KCNN3: variants seen among roughly 807,000 people sequenced by gnomAD.
KCNN3 encodes small conductance calcium-activated potassium channel protein 3.
Under a neutral mutation model 62.9 loss-of-function variants are expected in KCNN3, and 16 were observed. The observed-to-expected ratio is 0.25, with a 90% CI of 0.17 to 0.39. The LOEUF (loss-of-function observed/expected upper bound fraction) is 0.39, where lower values mean the gene tolerates loss of function less well. KCNN3 is among the 10% of genes least tolerant of loss of function. The pLI is 1.00. For missense variants in KCNN3, 599 were observed against 949.4 expected (o/e 0.63, Z 4.85); for synonymous variants, 370 against 389.2 (o/e 0.95, Z 0.58).
In KCNN3 at chr1:154,809,420, AAAACTAC is replaced by A. The variant is rs796183810; in HGVS notation, c.1029+12662_1029+12668del. ...TGGGGGCTGGGGTGGGAGGGCACATAAAACTACAACCTCACAGGAGGCCACAAAACTT... is the reference window on the plus strand; with the variant it reads ...TGGGGGCTGGGGTGGGAGGGCACATAAACCTCACAGGAGGCCACAAAACTT... On this transcript the variant is annotated intron_variant, in intron 2 of 7. Transcript: ENST00000271915. This position sits in a 1 kb window ranked among gnomAD's most constrained non-coding sequence, Gnocchi z 4.3. Among the ~76,000 whole-genome samples the A allele has an allele frequency of 1.3e-5, 2 of 152,234 alleles. No homozygotes were observed. Among genetic ancestry groups the A allele is most frequent in the South Asian group, 4.1e-4 (2 of 4,836 alleles).
At chr1:154,787,187 C>G (rs1305592249) in intron 2 of KCNN3, among the ~76,000 whole-genome samples, 3 of 152,268 alleles carry the variant, frequency 2.0e-5, no homozygotes, top group Non-Finnish European at 4.4e-5. Flanking sequence ...CTATCGTAGG[C>G]ACTGAAAGCC....
chr1:154,713,166 T>C (rs79489725), intron 7 of KCNN3, among the ~76,000 whole-genome samples: 314 of 152,252 alleles, frequency 2.1e-3, no homozygotes, highest in Admixed American at 3.7e-3. Flanking sequence ...AGTCCCTCAA[T>C]GTGCAGCTCA....
At chr1:154,784,697 C>T (rs536844227) in intron 2 of KCNN3, among the ~76,000 whole-genome samples, 17 of 152,340 alleles carry the variant, frequency 1.1e-4, no homozygotes, top group African/African-American at 3.6e-4. Flanking sequence ...AGCAGGGCGG[C>T]GGTCTCCATT....
At chr1:154,866,901 C>T (rs1453809114) in intron 1 of KCNN3, among the ~76,000 whole-genome samples, 2 of 152,238 alleles carry the variant, frequency 1.3e-5, no homozygotes, top group Non-Finnish European at 2.9e-5. Context: ...GGGGTGGCAC[C>T]TGCCCCAGGC....
chr1:154,753,130 A>G (rs1207199468), intron 3 of KCNN3, among the ~76,000 whole-genome samples: 1 of 152,252 alleles, frequency 6.6e-6, no homozygotes, highest in African/African-American at 2.4e-5. Flanking sequence ...GTTAAACTTG[A>G]CAAAATAATT....
At chr1:154,733,645 T>C (rs755485741) in intron 3 of KCNN3, among the ~76,000 whole-genome samples, 1 of 152,130 alleles carries the variant, frequency 6.6e-6, no homozygotes, top group Non-Finnish European at 1.5e-5. Flanking sequence ...GGAGGGAAGC[T>C]GTGGTGGTTG....
intron 1 of KCNN3, among the ~76,000 whole-genome samples, chr1:154,854,394 A>G (rs1652432839): frequency 6.6e-6 from 1 of 152,168 alleles, no homozygotes; most frequent in South Asian, 2.1e-4. Flanking sequence ...TTTTCCTGTT[A>G]TCTAACTCTG....
intron 1 of KCNN3, among the ~76,000 whole-genome samples, chr1:154,868,632 C>T (rs914002964): frequency 6.6e-6 from 1 of 151,720 alleles, no homozygotes; most frequent in Non-Finnish European, 1.5e-5. Context: ...TTAATTGGTG[C>T]GTTAAGCTGC....
At position 154,793,509 on chromosome 1, in the gene KCNN3, C is replaced by G. The variant is rs568478214; in HGVS notation, c.1030-21116G>C. On this transcript the variant is annotated intron_variant, in intron 2 of 7. Coordinates refer to ENST00000271915, the MANE Select transcript of KCNN3 (RefSeq NM_002249.6). ...ACAGACTCCATTTAAAAGTTATAAA[C>G]CACCTAAAAGGATTACCATTAATGA... Among the ~76,000 whole-genome samples the G allele has an allele frequency of 5.9e-5, 9 of 152,306 alleles. No homozygotes were observed. The South Asian group carries it at 1.9e-3, about 32-fold the overall frequency.
intron 2 of KCNN3, among the ~76,000 whole-genome samples, chr1:154,782,946 C>T (rs1213654545): frequency 6.6e-6 from 1 of 152,218 alleles, no homozygotes; most frequent in African/African-American, 2.4e-5. Context: ...GGCGCGGAGG[C>T]TCACGCCTGT....
chr1:154,753,944 G>C (rs987270821), intron 3 of KCNN3, among the ~76,000 whole-genome samples: 1 of 152,192 alleles, frequency 6.6e-6, no homozygotes, highest in African/African-American at 2.4e-5. Context: ...TCGCACAGCT[G>C]GTCCGTTGTC....
intron 1 of KCNN3, among the ~76,000 whole-genome samples, chr1:154,852,482 G>A (rs1041184014): frequency 6.6e-6 from 1 of 151,592 alleles, no homozygotes; most frequent in Non-Finnish European, 1.5e-5. Flanking sequence ...CCAAAGTGCT[G>A]GGATTACAGG....
chr1:154,823,318 C>T (rs1396852423), intron 1 of KCNN3, among the ~76,000 whole-genome samples: 2 of 152,146 alleles, frequency 1.3e-5, no homozygotes, highest in Admixed American at 6.5e-5. Context: ...GTGTGTATGG[C>T]GGCCCTGCAC....
At chr1:154,743,424 C>G (rs920712631) in intron 3 of KCNN3, among the ~76,000 whole-genome samples, 2 of 152,218 alleles carry the variant, frequency 1.3e-5, no homozygotes, top group South Asian at 4.1e-4. Flanking sequence ...GGGCCCCCAA[C>G]CTGGGGGCCT....
chr1:154,720,566 C>T (rs2101774024), intron 5 of KCNN3, among the ~76,000 whole-genome samples: 1 of 146,428 alleles, frequency 6.8e-6, no homozygotes, highest in Admixed American at 6.8e-5. Flanking sequence ...TTGAATTAGC[C>T]TGCTGAAGAA....
chr1:154,721,582 T>A (rs1700348870), intron 5 of KCNN3, among the ~76,000 whole-genome samples: 2 of 152,128 alleles, frequency 1.3e-5, no homozygotes, highest in Admixed American at 1.3e-4. Flanking sequence ...ATTACAGGCG[T>A]GAGCCACCGC....
At chr1:154,722,743 C>A (rs1050589018) in intron 5 of KCNN3, among the ~76,000 whole-genome samples, 4 of 108,718 alleles carry the variant, frequency 3.7e-5, no homozygotes, top group Non-Finnish European at 7.8e-5. Flanking sequence ...TTTTTTTTTT[C>A]TTTTTTTTGA....
chr1:154,795,825 T>C (rs371790850), intron 2 of KCNN3, among the ~76,000 whole-genome samples: 23 of 152,064 alleles, frequency 1.5e-4, no homozygotes, highest in African/African-American at 5.5e-4. Context: ...TCCAGGGTAA[T>C]GGGCACAGGG....
At chr1:154,791,337 G>T (rs894998412) in intron 2 of KCNN3, among the ~76,000 whole-genome samples, 4 of 148,062 alleles carry the variant, frequency 2.7e-5, no homozygotes, top group Non-Finnish European at 5.9e-5. Context: ...AGCTCTTGCA[G>T]AGCAAAGACC....
Sources: gnomAD v4.1 joint callset for allele counts (sites outside exome capture counted in the v4.1 genomes callset) on GRCh38, gnomAD v4.1.1 for gene constraint, Gnocchi (gnomAD v3.1) non-coding constraint, MANE v1.5 for transcripts, NCBI Gene and HGNC (gene_info 2026-07-23, HGNC 2026-07-21) for gene names.